PRELID2: variants seen among roughly 807,000 people sequenced by gnomAD.
PRELID2 encodes PRELI domain containing 2, also known as PRELI domain-containing protein 2.
Under a neutral mutation model 28.4 loss-of-function variants are expected in PRELID2, and 25 were observed. The ratio of observed to expected loss-of-function variants is 0.88; its 90% CI spans 0.64 to 1.23. The LOEUF is 1.23. PRELID2 is among the 50% of genes most tolerant of loss of function. The pLI, the probability that PRELID2 is intolerant of heterozygous loss-of-function variation, is 0.00. For missense variants in PRELID2, 201 were observed against 214.4 expected (o/e 0.94, Z 0.39); for synonymous variants, 76 against 71.6 (o/e 1.06, Z -0.31).
downstream of PRELID2, among the ~76,000 whole-genome samples, chr5:145,471,167 C>T (rs546034509): frequency 1.4e-4 from 22 of 152,172 alleles, no homozygotes; most frequent in African/African-American, 5.1e-4. Context: ...TTGACAGGCT[C>T]CTCCCCCAAC....
At chr5:145,635,649 G>C (rs1167169423) in intron 1 of PRELID2, among the ~76,000 whole-genome samples, 3 of 152,192 alleles carry the variant, frequency 2.0e-5, no homozygotes, top group Admixed American at 1.3e-4. Context: ...GCCACTTTGA[G>C]TGTGCAGCAT....
chr5:145,552,417 A>G (rs773013102), intron 1 of PRELID2, among the ~76,000 whole-genome samples: 7 of 152,034 alleles, frequency 4.6e-5, no homozygotes, highest in Non-Finnish European at 1.0e-4. Flanking sequence ...TCCTTCAACT[A>G]CAGTTGACTT....
chr5:145,835,085 G>A, intron 1 of PRELID2, 92 bp downstream of exon 1: 2 of 848,632 alleles, frequency 2.4e-6, no homozygotes, highest in Non-Finnish European at 3.8e-6. Flanking sequence ...AAGAGACACT[G>A]GCGGTGCCAG....
chr5:145,712,623 C>T (rs980587362), intron 1 of PRELID2, among the ~76,000 whole-genome samples: 1 of 152,028 alleles, frequency 6.6e-6, no homozygotes, highest in African/African-American at 2.4e-5. Context: ...TATATAATAT[C>T]CAGCATACAA....
the PRELID2 span, among the ~76,000 whole-genome samples, chr5:145,373,253 T>C: frequency 1.1e-5 from 1 of 88,958 alleles, no homozygotes; most frequent in African/African-American, 4.4e-5. Context: ...ATATGATATA[T>C]ATTACAACAT....
chr5:145,629,607 C>G (rs969636858), intron 1 of PRELID2, among the ~76,000 whole-genome samples: 4 of 152,136 alleles, frequency 2.6e-5, no homozygotes, highest in Non-Finnish European at 5.9e-5. Flanking sequence ...ATGTGCCAGG[C>G]ACTTTGCTAA....
chr5:145,303,061 A>G, the PRELID2 span, among the ~76,000 whole-genome samples: 1 of 152,202 alleles, frequency 6.6e-6, no homozygotes, highest in Non-Finnish European at 1.5e-5. Context: ...TCTCAGCTCT[A>G]CCACTGACTA....
the PRELID2 span, among the ~76,000 whole-genome samples, chr5:145,417,848 G>T: frequency 6.6e-6 from 1 of 152,184 alleles, no homozygotes; most frequent in South Asian, 2.1e-4. Context: ...AGGCAAGGAT[G>T]TCCTTTCTCA....
the PRELID2 span, among the ~76,000 whole-genome samples, chr5:145,352,450 G>A: frequency 1.3e-5 from 2 of 152,208 alleles, no homozygotes; most frequent in Non-Finnish European, 1.5e-5. Flanking sequence ...GAAGCAGCTG[G>A]GACACAGGAC....
chr5:145,713,568 ATATATATACACTAAAG>A (rs1482608423), intron 1 of PRELID2, among the ~76,000 whole-genome samples: 1 of 143,162 alleles, frequency 7.0e-6, no homozygotes, highest in Non-Finnish European at 1.5e-5. Context: ...TATATACTTT[ATATATATACACTAAAG>A]TATATATACT....
the PRELID2 span, among the ~76,000 whole-genome samples, chr5:145,418,043 A>C: frequency 6.6e-6 from 1 of 152,258 alleles, no homozygotes; most frequent in Admixed American, 6.5e-5. Flanking sequence ...CAACTTCAGC[A>C]AAGTCTCAGG....
At chr5:145,754,352 T>G (rs1389024112), downstream of PRELID2, 1 of 152,246 alleles carries the variant, frequency 6.6e-6, no homozygotes, top group Non-Finnish European at 1.5e-5. Context: ...CATCCTATGC[T>G]AATTTTTCTT....
At chr5:145,735,659 T>C (rs941472255) in intron 1 of PRELID2, among the ~76,000 whole-genome samples, 14 of 152,204 alleles carry the variant, frequency 9.2e-5, no homozygotes, top group African/African-American at 3.1e-4. Flanking sequence ...GGCCATGTAG[T>C]GATTCCTCTT....
chr5:145,315,064 CTTT>C, the PRELID2 span, among the ~76,000 whole-genome samples: 204 of 100,560 alleles, frequency 2.0e-3, no homozygotes, highest in African/African-American at 7.5e-3. Flanking sequence ...TACAATAATT[CTTT>C]TTTTTTTTTT....
chr5:145,515,443 G>A (rs1752507000), intron 1 of PRELID2, among the ~76,000 whole-genome samples: 1 of 152,036 alleles, frequency 6.6e-6, no homozygotes, highest in East Asian at 1.9e-4. Flanking sequence ...ACTAAACCAG[G>A]AAAAAGTCAA....
intron 5 of PRELID2, among the ~76,000 whole-genome samples, chr5:145,768,861 T>A (rs7727252): frequency 0.017 from 2,587 of 152,048 alleles, 68 homozygotes; most frequent in African/African-American, 0.057. Flanking sequence ...ACCACTTCAG[T>A]CTAAGCAGAA....
intron 1 of PRELID2, among the ~76,000 whole-genome samples, chr5:145,627,097 C>CAAAAAAAAAAAAAAAAA (rs745309247): frequency 7.2e-5 from 3 of 41,826 alleles, no homozygotes; most frequent in East Asian, 9.4e-4. Flanking sequence ...AAGACTCTCC[C>CAAAAAAAAAAAAAAAAA]AAAAAAAAAA....
intron 1 of PRELID2, among the ~76,000 whole-genome samples, chr5:145,617,150 A>G (rs972908927): frequency 3.3e-5 from 5 of 152,190 alleles, no homozygotes; most frequent in Non-Finnish European, 2.9e-5. Flanking sequence ...CAAAGTGCCC[A>G]GATTTCATAT....
chr5:145,424,558 G>A, the PRELID2 span, among the ~76,000 whole-genome samples: 624 of 152,286 alleles, frequency 4.1e-3, 3 homozygotes, highest in Non-Finnish European at 7.5e-3. Flanking sequence ...GACCCCTTGC[G>A]CTTCCCAAGT....
Sources: allele counts gnomAD v4.1 joint callset (sites outside exome capture counted in the v4.1 genomes callset), GRCh38; gene constraint gnomAD v4.1.1; transcripts MANE v1.5; gene names NCBI Gene and HGNC (gene_info 2026-07-23, HGNC 2026-07-21).